LRP1B: variants seen among roughly 807,000 people sequenced by gnomAD.
LRP1B encodes the protein low-density lipoprotein receptor-related protein 1B.
Under a neutral mutation model 556.6 loss-of-function variants are expected in LRP1B, and 217 were observed. That is an observed-to-expected ratio of 0.39 (90% CI 0.35 to 0.44). The LOEUF (loss-of-function observed/expected upper bound fraction) is 0.44, where lower values mean the gene tolerates loss of function less well. Ranked by LOEUF, LRP1B falls within the 20% of genes least tolerant of loss-of-function variation. LRP1B has a pLI of 1.00. For synonymous variants in LRP1B, 2,047 were observed against 1,865.8 expected, an observed-to-expected ratio of 1.10 and a Z score of -2.50; for missense variants, 5,053 against 5,620.8, an observed-to-expected ratio of 0.90 and a Z score of 3.23.
chr2:141,798,576 G>T (rs906283929), intron 2 of LRP1B, among the ~76,000 whole-genome samples: 1 of 151,510 alleles, frequency 6.6e-6, no homozygotes, highest in Non-Finnish European at 1.5e-5. Context: ...GCGTGGTGGT[G>T]GGTGCCTGTA....
intron 2 of LRP1B, among the ~76,000 whole-genome samples, chr2:141,793,673 C>T (rs1212687741): frequency 6.6e-6 from 1 of 151,788 alleles, no homozygotes; most frequent in East Asian, 1.9e-4. Context: ...GGCAAATAAA[C>T]AACTTATTAA....
At chr2:141,340,456 C>T (rs1688016420) in intron 3 of LRP1B, among the ~76,000 whole-genome samples, 1 of 152,104 alleles carries the variant, frequency 6.6e-6, no homozygotes, top group Admixed American at 6.5e-5. Flanking sequence ...ATGCTATTGT[C>T]AATATACTAA....
chr2:141,531,546 T>A (rs1684871141), intron 2 of LRP1B, among the ~76,000 whole-genome samples: 1 of 152,172 alleles, frequency 6.6e-6, no homozygotes, highest in African/African-American at 2.4e-5. Flanking sequence ...AGGAAGGTAA[T>A]TGATTTGTTT....
intron 21 of LRP1B, among the ~76,000 whole-genome samples, chr2:140,917,126 A>T (rs1157543070): frequency 6.6e-6 from 1 of 152,228 alleles, no homozygotes; most frequent in African/African-American, 2.4e-5. Context: ...GAAAATGCAA[A>T]TTAAAACAAT....
At chr2:141,358,569 G>A (rs1025198180) in intron 3 of LRP1B, among the ~76,000 whole-genome samples, 13 of 152,118 alleles carry the variant, frequency 8.5e-5, no homozygotes, top group African/African-American at 3.1e-4. Flanking sequence ...TCTCTATTCT[G>A]CCTTTCCATT....
chr2:141,034,430 A>C (rs1039452407), intron 11 of LRP1B, among the ~76,000 whole-genome samples: 2 of 151,914 alleles, frequency 1.3e-5, no homozygotes, highest in African/African-American at 4.8e-5. Context: ...GCAACCTACA[A>C]AATGGGAGAA....
At chr2:141,086,802 G>A (rs141117777) in intron 7 of LRP1B, among the ~76,000 whole-genome samples, 1 of 152,254 alleles carries the variant, frequency 6.6e-6, no homozygotes, top group East Asian at 1.9e-4. Flanking sequence ...TTCATGCACA[G>A]ACACCCTCAG....
At chr2:141,710,677 A>C (rs897232877) in intron 2 of LRP1B, among the ~76,000 whole-genome samples, 3 of 152,198 alleles carry the variant, frequency 2.0e-5, no homozygotes, top group Non-Finnish European at 2.9e-5. Flanking sequence ...TGAAATTCAG[A>C]GATTCAGATA....
At chr2:140,711,566 T>C (rs1687032658) in intron 37 of LRP1B, among the ~76,000 whole-genome samples, 1 of 144,188 alleles carries the variant, frequency 6.9e-6, no homozygotes, top group Non-Finnish European at 1.5e-5. Context: ...TCTTTTTCTT[T>C]TCTTTACTAC....
At chr2:140,772,151 A>G (rs995427450) in intron 33 of LRP1B, among the ~76,000 whole-genome samples, 5 of 152,202 alleles carry the variant, frequency 3.3e-5, no homozygotes, top group African/African-American at 1.2e-4. Context: ...AACTTTTAAA[A>G]TGATTACATT....
chr2:140,964,030 T>C (rs12617569), intron 18 of LRP1B, among the ~76,000 whole-genome samples: 23,839 of 151,978 alleles, frequency 0.16, 1,996 homozygotes, highest in East Asian at 0.24. Flanking sequence ...TGTTATTTAT[T>C]GGATACAAGG....
intron 1 of LRP1B, among the ~76,000 whole-genome samples, chr2:141,960,440 G>T (rs900583521): frequency 2.6e-5 from 4 of 151,868 alleles, no homozygotes; most frequent in Admixed American, 2.6e-4. Flanking sequence ...TCTCAGGAAG[G>T]CTATTCTCCT....
At chr2:140,938,000 C>T (rs766354630) in intron 20 of LRP1B, among the ~76,000 whole-genome samples, 6 of 151,700 alleles carry the variant, frequency 4.0e-5, no homozygotes, top group Non-Finnish European at 5.9e-5. Flanking sequence ...AGAATCTCCC[C>T]GAGAAATGTC....
intron 41 of LRP1B, among the ~76,000 whole-genome samples, chr2:140,665,152 T>C (rs1360594932): frequency 9.2e-5 from 14 of 152,212 alleles, no homozygotes; most frequent in Admixed American, 7.2e-4. Flanking sequence ...AGGAAGGTCA[T>C]GCTATGACAT....
At chr2:141,535,263 C>A (rs1256946405) in intron 2 of LRP1B, among the ~76,000 whole-genome samples, 1 of 152,244 alleles carries the variant, frequency 6.6e-6, no homozygotes, top group South Asian at 2.1e-4. Context: ...CTTCTGGAAG[C>A]AATCTATTTT....
chr2:140,753,371 ATTAT>A (rs1368378365), intron 35 of LRP1B, among the ~76,000 whole-genome samples: 4 of 152,180 alleles, frequency 2.6e-5, no homozygotes, highest in African/African-American at 9.7e-5. Context: ...CTCTAAAAAT[ATTAT>A]TTAAACTAAG....
chr2:140,534,483 T>C (rs1327575547), intron 46 of LRP1B, among the ~76,000 whole-genome samples: 2 of 152,138 alleles, frequency 1.3e-5, no homozygotes, highest in Non-Finnish European at 2.9e-5. Flanking sequence ...AACTCAAATG[T>C]AACAAAAACA....
chr2:141,741,671 T>C (rs1693711411), intron 2 of LRP1B, among the ~76,000 whole-genome samples: 1 of 152,146 alleles, frequency 6.6e-6, no homozygotes. Flanking sequence ...GTTGTTTGAG[T>C]TCCTTACATA....
intron 3 of LRP1B, among the ~76,000 whole-genome samples, chr2:141,364,884 T>A (rs1472445197): frequency 6.6e-6 from 1 of 152,140 alleles, no homozygotes; most frequent in Non-Finnish European, 1.5e-5. Context: ...AAAATAAAAA[T>A]GAACACAATT....
Sources: allele counts gnomAD v4.1 joint callset (sites outside exome capture counted in the v4.1 genomes callset), GRCh38; gene constraint gnomAD v4.1.1; transcripts MANE v1.5; gene names NCBI Gene and HGNC (gene_info 2026-07-23, HGNC 2026-07-21).